GNB5: variants seen among roughly 807,000 people sequenced by gnomAD.
GNB5 encodes the protein G protein subunit beta 5.
In GNB5, 37 loss-of-function variants were observed where a neutral mutation model predicts 55.3. That is an observed-to-expected ratio of 0.67 (90% CI 0.51 to 0.88). The LOEUF is 0.88. GNB5 is among the 40% of genes least tolerant of loss of function. The pLI is 0.00. For synonymous variants in GNB5, 219 were observed against 198.5 expected, an observed-to-expected ratio of 1.10 and a Z score of -0.87; for missense variants, 476 against 515.3, an observed-to-expected ratio of 0.92 and a Z score of 0.74.
chr15:52,169,469 C>T (rs1323732379), intron 3 of GNB5, among the ~76,000 whole-genome samples: 1 of 124,288 alleles, frequency 8.0e-6, no homozygotes, highest in Non-Finnish European at 1.6e-5. Flanking sequence ...ACCCAGGAGG[C>T]GGAGGTTGCA....
chr15:52,173,616 C>A (rs1394992024), intron 3 of GNB5, among the ~76,000 whole-genome samples: 2 of 152,138 alleles, frequency 1.3e-5, no homozygotes, highest in South Asian at 2.1e-4. Flanking sequence ...AAGAGGTAGA[C>A]GGAACTAGGT....
In GNB5 at chr15:52,179,844, C is replaced by T; in HGVS notation, c.162G>A (p.Leu54=). ...TCTCGGCCTCGCTCTTCAGCGACGC[C>T]AGCGTCTCGTTCTCGTGCAGCCCCT... The part of the protein sequence containing the change: ...ATEGLHENET[L]ASLKSEAESL... Residue 54 remains leucine (L), a synonymous_variant, in exon 3 of 13, where the codon CTG becomes CTA. Transcript: ENST00000261837. 5.1e-6 allele frequency: 8 copies of T among 1,555,108 alleles called. No individual in the cohort carries two copies. Among genetic ancestry groups the T allele is most frequent in the Non-Finnish European group, 6.9e-6 (8 of 1,151,898 alleles).
At chr15:52,190,778 TAAAAAAAAAAAAAAAAAAAAAAAAAAAAA>T (rs58614125) in intron 1 of GNB5, among the ~76,000 whole-genome samples, 3 of 96,908 alleles carry the variant, frequency 3.1e-5, no homozygotes, top group South Asian at 3.0e-4. Flanking sequence ...CTTATTTCCT[TAAAAAAAAAAAAAAAAAAAAAAAAAAAAA>T]AAAAAAAAAA....
intron 1 of GNB5, among the ~76,000 whole-genome samples, chr15:52,190,593 C>A (rs966765450): frequency 6.6e-6 from 1 of 152,010 alleles, no homozygotes; most frequent in Admixed American, 6.6e-5. Context: ...AAAAGCCTGA[C>A]AACACAAAGT....
chr15:52,133,289 A>G (rs2033624306), intron 9 of GNB5, 89 bp downstream of exon 9: 1 of 837,946 alleles, frequency 1.2e-6, no homozygotes, highest in African/African-American at 1.7e-5. Flanking sequence ...AAGTAAACTG[A>G]GTCTGGAGGC....
In GNB5 at chr15:52,126,005, T is replaced by C. The variant is rs1344367599; in HGVS notation, c.952A>G (p.Ile318Val). 3 of 1,589,046 alleles carry C rather than the reference T, an allele frequency of 1.9e-6. No homozygotes were observed. Among genetic ancestry groups the C allele is most frequent in the Admixed American group, 1.7e-5 (1 of 59,554 alleles). The change falls in exon 11 of 13, where the codon ATC (isoleucine) becomes GTC (valine). Residue 318 changes from isoleucine to valine, a missense_variant. Ile to Val is a conservative substitution (Grantham distance 29). Transcript: ENST00000261837. ...YDLRADREVAIYSKESIIFGA... is the reference protein window; with the variant it reads ...YDLRADREVAVYSKESIIFGA... ...AATATGATGCTTTCTTTGGAATAGA[T>C]GGCAACCTCCCTATCTGCCCGCAGG...
intron 12 of GNB5, among the ~76,000 whole-genome samples, chr15:52,122,969 T>C (rs139718987): frequency 1.9e-4 from 26 of 139,004 alleles, no homozygotes; most frequent in Non-Finnish European, 3.2e-4. Flanking sequence ...ACTGTACTCC[T>C]AGCAATGCAA....
In GNB5 at chr15:52,116,812, C is replaced by T. The variant is rs2033148584; in HGVS notation, c.*5945G>A. 6.6e-6 allele frequency: 1 copy of T among 152,262 alleles called. No individual in the cohort carries two copies. Among genetic ancestry groups the T allele is most frequent in the Middle Eastern group, 3.4e-3 (1 of 294 alleles). The allele number at this position is 152,262 out of a possible 1,614,324, so 9.4% of individuals were successfully genotyped here. ...ATCTGCCTAGCAACTGCCTGTCCAACCTCGGACTGGTGTGACCTTTGTTAT... is the reference window on the plus strand; with the variant it reads ...ATCTGCCTAGCAACTGCCTGTCCAATCTCGGACTGGTGTGACCTTTGTTAT... On this transcript the variant is annotated 3_prime_UTR_variant, in exon 13 of 13. Coordinates refer to ENST00000261837, the MANE Select transcript of GNB5 (RefSeq NM_016194.4).
At chr15:52,135,576 A>G in intron 8 of GNB5, 37 bp downstream of exon 8, 1 of 1,593,988 alleles carries the variant, frequency 6.3e-7, no homozygotes, top group Middle Eastern at 1.7e-4. Context: ...TCCTTAGTGG[A>G]CACAGGAGCC....
At chr15:52,169,538 CAAAAAAAAA>C (rs60470864) in intron 3 of GNB5, among the ~76,000 whole-genome samples, 7 of 71,482 alleles carry the variant, frequency 9.8e-5, no homozygotes, top group African/African-American at 2.7e-4. Context: ...GACTCTGTCT[CAAAAAAAAA>C]AAAAAAAAAA....
intron 5 of GNB5, 179 bp downstream of exon 5, chr15:52,149,705 T>C (rs1028975244): frequency 1.2e-5 from 8 of 683,206 alleles, no homozygotes; most frequent in African/African-American, 3.5e-5. Flanking sequence ...AATGCTGCAA[T>C]GGGCTGGCTG....
chr15:52,178,592 T>A (rs2034698089), intron 3 of GNB5, among the ~76,000 whole-genome samples: 1 of 151,720 alleles, frequency 6.6e-6, no homozygotes, highest in Admixed American at 6.6e-5. Context: ...TTGCTCTTGT[T>A]ATGTAAGAAA....
At chr15:52,135,852 AACACACACACACACACAC>A (rs57732678) in intron 7 of GNB5, 96 bp from the exon 8 acceptor site, 60 of 552,498 alleles carry the variant, frequency 1.1e-4, no homozygotes, top group African/African-American at 4.7e-4. Context: ...GGAAAAGCAG[AACACACACACACACACAC>A]ACACACACAC....
Position 52,120,243 on chromosome 15 carries a change from T to C in GNB5, c.*2514A>G, listed in dbSNP as rs1190327751. 6.6e-6 allele frequency: 1 copy of C among 152,252 alleles called. No homozygotes were observed. The highest frequency in any genetic ancestry group is 1.5e-5 in the Non-Finnish European group (1 of 68,052). The allele number at this position is 152,252 out of a possible 1,614,324, so 9.4% of individuals were successfully genotyped here. A position where few individuals can be genotyped will look rare whatever the true frequency, so the allele number is the denominator to read the frequency against. On this transcript the variant is annotated 3_prime_UTR_variant, in exon 13 of 13. Coordinates refer to ENST00000261837, the MANE Select transcript of GNB5 (RefSeq NM_016194.4). Reference sequence around the variant, plus strand: ...CTCTGGAAAAAAGAAAAGCTGATTATAAAATGCACTCAGCATTATTTTCAA... The same window carrying C: ...CTCTGGAAAAAAGAAAAGCTGATTACAAAATGCACTCAGCATTATTTTCAA...
At position 52,152,083 on chromosome 15, in the gene GNB5, A is replaced by C. The variant is rs755602364; in HGVS notation, c.375+1857T>G. ...TAAGTGATAAATTTATTTTGATCTT[A>C]AAAAAAAAGCAAGTGCAATGTGACA... On this transcript the variant is annotated intron_variant, in intron 4 of 12. Transcript: ENST00000261837. Among the ~76,000 whole-genome samples the C allele has an allele frequency of 7.6e-4, 115 of 150,838 alleles. 1 individual carries two copies. The highest frequency in any genetic ancestry group is 8.0e-4 in the Non-Finnish European group (54 of 67,606).
chr15:52,115,662 G>A lies in GNB5; in HGVS notation c.*7095C>T, dbSNP rs1405884166. ...TTCTGTTTTATTGAGAATAGCTAGT[G>A]ACTGCTTATTATTTTTTCCACGTTT... On this transcript the variant is annotated 3_prime_UTR_variant, in exon 13 of 13. Transcript: ENST00000261837. The A allele has an allele frequency of 6.6e-6, 1 of 152,202 alleles. No individual in the cohort carries two copies. The highest frequency in any genetic ancestry group is 2.4e-5 in the African/African-American group (1 of 41,452). The allele number at this position is 152,202 out of a possible 1,614,324, so 9.4% of individuals were successfully genotyped here. A position where few individuals can be genotyped will look rare whatever the true frequency, so the allele number is the denominator to read the frequency against.
At chr15:52,156,128 A>G (rs1034731766) in intron 3 of GNB5, among the ~76,000 whole-genome samples, 1 of 152,096 alleles carries the variant, frequency 6.6e-6, no homozygotes, top group East Asian at 1.9e-4. Flanking sequence ...ACATTAGTAG[A>G]GACTCATGGG....
At chr15:52,142,720 T>A (rs1274572479) in intron 6 of GNB5, among the ~76,000 whole-genome samples, 1 of 152,176 alleles carries the variant, frequency 6.6e-6, no homozygotes, top group African/African-American at 2.4e-5. Context: ...TAGGGAACAA[T>A]ATTTAAAATG....
intron 7 of GNB5, chr15:52,137,869 T>G: frequency 7.8e-7 from 1 of 1,286,626 alleles, no homozygotes; most frequent in Non-Finnish European, 1.0e-6. Flanking sequence ...CTGGGTGAGG[T>G]GATAAGACCG....
Sources: gnomAD v4.1 joint callset for allele counts (sites outside exome capture counted in the v4.1 genomes callset) on GRCh38, gnomAD v4.1.1 for gene constraint, MANE v1.5 for transcripts, NCBI Gene and HGNC (gene_info 2026-07-23, HGNC 2026-07-21) for gene names.